SPAG16: variants seen among roughly 807,000 people sequenced by gnomAD.
SPAG16 encodes the protein sperm-associated antigen 16 protein.
In SPAG16, 86 loss-of-function variants were observed where a neutral mutation model predicts 80.4. The ratio of observed to expected loss-of-function variants is 1.07; its 90% confidence interval spans 0.90 to 1.28. The LOEUF is 1.28. Ranked by LOEUF, SPAG16 falls within the 50% of genes most tolerant of loss-of-function variation. SPAG16 has a pLI of 0.00. For missense variants in SPAG16, 870 were observed against 765.3 expected, an observed-to-expected ratio of 1.14 and a Z score of -1.61; for synonymous variants, 294 against 265.9, an observed-to-expected ratio of 1.11 and a Z score of -1.03.
intron 15 of SPAG16, among the ~76,000 whole-genome samples, chr2:214,199,878 A>G (rs889152226): frequency 6.6e-6 from 1 of 152,092 alleles, no homozygotes; most frequent in African/African-American, 2.4e-5. Flanking sequence ...AAAGGGATTA[A>G]GTTCTTGATT....
rs200513196 is a variant in SPAG16, at chr2:213,543,052, C to G, written c.1070+52962C>G. Among the ~76,000 whole-genome samples the G allele has an allele frequency of 7.9e-5, 12 of 152,136 alleles. No individual in the cohort carries two copies. In the East Asian group the frequency reaches 2.3e-3, roughly 29 times the overall value. Reference sequence around the variant, plus strand: ...AAAAATGAGTGATGGTTCATTGCTACAAATTTTCCAAATGTTTAAAAGATA... The same window carrying G: ...AAAAATGAGTGATGGTTCATTGCTAGAAATTTTCCAAATGTTTAAAAGATA... On this transcript the variant is annotated intron_variant, in intron 10 of 15. Coordinates refer to ENST00000331683, the MANE Select transcript of SPAG16 (RefSeq NM_024532.5).
intron 11 of SPAG16, among the ~76,000 whole-genome samples, chr2:213,927,797 CA>C (rs1450083059): frequency 6.6e-6 from 1 of 151,926 alleles, no homozygotes; most frequent in South Asian, 2.1e-4. Flanking sequence ...AGAAACATAC[CA>C]CAATAATTTT....
intron 15 of SPAG16, among the ~76,000 whole-genome samples, chr2:214,241,958 A>C (rs1689529387): frequency 1.3e-5 from 2 of 152,160 alleles, no homozygotes; most frequent in African/African-American, 4.8e-5. Context: ...CATATCCTGG[A>C]TGCAGGTGAT....
intron 10 of SPAG16, among the ~76,000 whole-genome samples, chr2:213,611,652 A>G (rs2061442955): frequency 6.6e-6 from 1 of 152,212 alleles, no homozygotes; most frequent in South Asian, 2.1e-4. Context: ...TAGTAATAAA[A>G]TGTCCAGGGT....
chr2:213,697,333 T>G (rs1191521259), intron 10 of SPAG16, among the ~76,000 whole-genome samples: 2 of 152,184 alleles, frequency 1.3e-5, no homozygotes, highest in African/African-American at 2.4e-5. Context: ...TATTAGAGAA[T>G]GCCATTTTGT....
At chr2:213,732,708 G>C (rs902665167) in intron 10 of SPAG16, among the ~76,000 whole-genome samples, 7 of 152,150 alleles carry the variant, frequency 4.6e-5, no homozygotes, top group Admixed American at 4.6e-4. Context: ...CATGAGCATG[G>C]AATAATGTTT....
At chr2:214,208,642 C>A (rs1163129903) in intron 15 of SPAG16, among the ~76,000 whole-genome samples, 1 of 152,126 alleles carries the variant, frequency 6.6e-6, no homozygotes, top group East Asian at 1.9e-4. Context: ...TGGATTAACC[C>A]ATTTATGCCT....
chr2:213,670,828 A>G (rs558904456), intron 10 of SPAG16, among the ~76,000 whole-genome samples: 1 of 152,200 alleles, frequency 6.6e-6, no homozygotes, highest in Non-Finnish European at 1.5e-5. Context: ...CAAATGCCGC[A>G]TATATCAGTA....
chr2:213,437,486 T>C (rs958073612), intron 9 of SPAG16, among the ~76,000 whole-genome samples: 1 of 152,200 alleles, frequency 6.6e-6, no homozygotes, highest in Non-Finnish European at 1.5e-5. Flanking sequence ...TTAAAGTAGT[T>C]TCCTAAAAAA....
chr2:214,298,261 G>A (rs1278588079), intron 15 of SPAG16, among the ~76,000 whole-genome samples: 1 of 151,738 alleles, frequency 6.6e-6, no homozygotes, highest in African/African-American at 2.4e-5. Flanking sequence ...GTATAGAAAT[G>A]TCTCTGATTT....
intron 15 of SPAG16, among the ~76,000 whole-genome samples, chr2:214,250,872 A>G (rs1351068991): frequency 6.7e-6 from 1 of 150,198 alleles, no homozygotes; most frequent in Non-Finnish European, 1.5e-5. Flanking sequence ...TGAATTGTCT[A>G]ATTTTCTCAG....
chr2:214,224,644 T>C (rs1048115762), intron 15 of SPAG16, among the ~76,000 whole-genome samples: 5 of 152,128 alleles, frequency 3.3e-5, no homozygotes, highest in African/African-American at 1.2e-4. Flanking sequence ...GTTTGCTTTG[T>C]TGTTGGATAA....
At chr2:214,125,951 G>A (rs545776331) in intron 14 of SPAG16, among the ~76,000 whole-genome samples, 1 of 150,306 alleles carries the variant, frequency 6.7e-6, no homozygotes, top group Non-Finnish European at 1.5e-5. Flanking sequence ...AATGGTAATA[G>A]ACCGAGGGAA....
intron 10 of SPAG16, among the ~76,000 whole-genome samples, chr2:213,531,876 T>C (rs1222593213): frequency 1.3e-5 from 2 of 152,212 alleles, no homozygotes; most frequent in Admixed American, 6.5e-5. Flanking sequence ...ATTTGGAATC[T>C]TACAATCAGT....
chr2:213,637,992 C>T (rs7593389), intron 10 of SPAG16, among the ~76,000 whole-genome samples: 8,829 of 152,124 alleles, frequency 0.058, 850 homozygotes, highest in African/African-American at 0.2. Flanking sequence ...TTCCTGACCT[C>T]GTGATCCGCC....
At chr2:213,511,125 A>C (rs1457024004) in intron 10 of SPAG16, among the ~76,000 whole-genome samples, 2 of 151,744 alleles carry the variant, frequency 1.3e-5, no homozygotes, top group African/African-American at 4.8e-5. Context: ...TATTTTTAAT[A>C]ATTATCTCTT....
intron 15 of SPAG16, among the ~76,000 whole-genome samples, chr2:214,356,456 A>T (rs1284547148): frequency 6.6e-6 from 1 of 151,944 alleles, no homozygotes; most frequent in South Asian, 2.1e-4. Context: ...TCTGTAGTGG[A>T]CATTTGGTGT....
chr2:214,319,086 C>A (rs999270360), intron 15 of SPAG16, among the ~76,000 whole-genome samples: 2 of 151,802 alleles, frequency 1.3e-5, no homozygotes, highest in Admixed American at 6.6e-5. Flanking sequence ...GGCTGAGAAC[C>A]CCCTTCTCCT....
chr2:213,411,897 A>G (rs1456974273), intron 9 of SPAG16, among the ~76,000 whole-genome samples: 6 of 152,058 alleles, frequency 3.9e-5, no homozygotes, highest in African/African-American at 1.2e-4. Flanking sequence ...CATGTTAAAA[A>G]AAAAAGAAAA....
Sources: allele counts gnomAD v4.1 joint callset (sites outside exome capture counted in the v4.1 genomes callset), GRCh38; gene constraint gnomAD v4.1.1; transcripts MANE v1.5; gene names NCBI Gene and HGNC (gene_info 2026-07-23, HGNC 2026-07-21).